The following DAPK1 variants were observed in gnomAD, a reference collection of about 807,000 sequenced individuals.
DAPK1 encodes the protein death-associated protein kinase 1.
In DAPK1, 56 loss-of-function variants were observed where a neutral mutation model predicts 144.9. The ratio of observed to expected loss-of-function variants is 0.39; its 90% CI spans 0.31 to 0.48. The LOEUF is 0.48. Among genes scored for constraint, DAPK1 ranks in the 20% least tolerant of loss-of-function variants. The pLI, the probability that DAPK1 is intolerant of heterozygous loss-of-function variation, is 0.95. For missense variants in DAPK1, 1,454 were observed against 1,875.4 expected, an observed-to-expected ratio of 0.78 and a Z score of 4.15; for synonymous variants, 690 against 749.0, an observed-to-expected ratio of 0.92 and a Z score of 1.29.
chr9:87,671,901 A>T (rs1444970461), intron 19 of DAPK1, among the ~76,000 whole-genome samples: 2 of 152,302 alleles, frequency 1.3e-5, no homozygotes, highest in East Asian at 3.9e-4. Flanking sequence ...ATCTTTATGT[A>T]GAAGCAAAGT....
intron 9 of DAPK1, among the ~76,000 whole-genome samples, chr9:87,641,562 G>T (rs1177155433): frequency 2.6e-5 from 4 of 152,122 alleles, no homozygotes; most frequent in Non-Finnish European, 5.9e-5. Context: ...TACTGAAAAA[G>T]ATACAATACA....
chr9:87,667,000 G>A (rs776152484), intron 18 of DAPK1, among the ~76,000 whole-genome samples: 16 of 152,148 alleles, frequency 1.1e-4, no homozygotes, highest in Non-Finnish European at 1.5e-5. Context: ...GAATTAACCT[G>A]GGAGCCCAGG....
intron 2 of DAPK1, among the ~76,000 whole-genome samples, chr9:87,534,057 CTT>C (rs1825070060): frequency 6.6e-6 from 1 of 151,932 alleles, no homozygotes; most frequent in Non-Finnish European, 1.5e-5. Flanking sequence ...TTTAAAAACA[CTT>C]TTCTTAGACT....
chr9:87,660,351 A>G (rs1830799166), intron 18 of DAPK1, among the ~76,000 whole-genome samples: 1 of 152,122 alleles, frequency 6.6e-6, no homozygotes, highest in East Asian at 1.9e-4. Flanking sequence ...AAACGTGACC[A>G]CACCACATCC....
chr9:87,554,387 T>C (rs1368851835), intron 2 of DAPK1: 1 of 151,532 alleles, frequency 6.6e-6, no homozygotes, highest in Non-Finnish European at 1.5e-5. Context: ...TTTAGCTGAA[T>C]AGCAATAATT....
rs2119164325 is a variant in DAPK1, at chr9:87,647,401, A to G, written c.1327A>G (p.Lys443Glu). The G allele has an allele frequency of 6.2e-7, 1 of 1,613,730 alleles. No individual in the cohort carries two copies. The highest frequency in any genetic ancestry group is 1.3e-5 in the African/African-American group (1 of 75,020). The change falls in exon 14 of 26, where the codon AAG becomes GAG. Residue 443 changes from lysine (K) to glutamate (E), a missense_variant and splice_region_variant. Transcript: ENST00000408954. ...CAAATGCCCTTTGGATGTGAAAGAC[A>G]AGGTAAGGCCACTTCTCTTAGGAGG... Reference protein sequence around the residue: ...ENKCPLDVKDKSGEMALHVAA... With the variant: ...ENKCPLDVKDESGEMALHVAA...
intron 3 of DAPK1, among the ~76,000 whole-genome samples, chr9:87,627,397 G>C (rs1829528549): frequency 6.6e-6 from 1 of 152,200 alleles, no homozygotes; most frequent in African/African-American, 2.4e-5. Flanking sequence ...AGTCACAGTA[G>C]GTAGGCGGTG....
In DAPK1 at chr9:87,548,913, C is replaced by CTTTTTTTT. The variant is rs11291160; in HGVS notation, c.62+49794_62+49801dup. Reference sequence around the variant, plus strand: ...ACCACCCACTGAGTGGATTTCATTCCTTTTTTTTTTTTTTTTTTTTTTTTT... The same window carrying CTTTTTTTT: ...ACCACCCACTGAGTGGATTTCATTCCTTTTTTTTTTTTTTTTTTTTTTTTTTTTTTTTT... On this transcript the variant is annotated intron_variant, in intron 2 of 25. Transcript: ENST00000408954. Among the ~76,000 whole-genome samples, 33 of 63,864 alleles carry CTTTTTTTT rather than the reference C, an allele frequency of 5.2e-4. 1 individual carries two copies. The highest frequency in any genetic ancestry group is 8.6e-4 in the East Asian group (1 of 1,164). 41.9% of individuals were successfully genotyped at this position (63,864 alleles called of 152,430 possible). A position where few individuals can be genotyped will look rare whatever the true frequency, so the allele number is the denominator to read the frequency against.
intron 2 of DAPK1, among the ~76,000 whole-genome samples, chr9:87,560,840 A>G (rs1826887686): frequency 6.6e-6 from 1 of 151,758 alleles, no homozygotes; most frequent in South Asian, 2.1e-4. Context: ...TAACTTTTGT[A>G]TTTTTAGTAG....
chr9:87,629,192 C>T (rs1829580916), intron 3 of DAPK1, among the ~76,000 whole-genome samples: 1 of 152,154 alleles, frequency 6.6e-6, no homozygotes, highest in Admixed American at 6.5e-5. Flanking sequence ...CTGGTGTTCT[C>T]ATAAAGGGGG....
intron 19 of DAPK1, among the ~76,000 whole-genome samples, chr9:87,671,619 G>A (rs877861): frequency 0.44 from 67,146 of 151,592 alleles, 15,981 homozygotes; most frequent in South Asian, 0.58. Context: ...TCTTGCCTCA[G>A]CCTCCCAAGT....
intron 3 of DAPK1, among the ~76,000 whole-genome samples, chr9:87,607,999 C>A (rs569342832): frequency 3.3e-5 from 5 of 152,238 alleles, no homozygotes; most frequent in Admixed American, 3.3e-4. Flanking sequence ...CAAGAGCCAT[C>A]CTCACATGAC....
intron 2 of DAPK1, among the ~76,000 whole-genome samples, chr9:87,556,125 G>A (rs1330854089): frequency 6.6e-6 from 1 of 152,206 alleles, no homozygotes; most frequent in African/African-American, 2.4e-5. Context: ...ACTCATCAGT[G>A]ATGCAGGACC....
chr9:87,577,836 C>G (rs1242893389), intron 2 of DAPK1, among the ~76,000 whole-genome samples: 1 of 152,084 alleles, frequency 6.6e-6, no homozygotes, highest in Non-Finnish European at 1.5e-5. Context: ...ACCAGTGATT[C>G]CTGTGTGTAA....
At position 87,575,119 on chromosome 9, in the gene DAPK1, C is replaced by G. The variant is rs1020071721; in HGVS notation, c.63-29835C>G. Among the ~76,000 whole-genome samples, 6 of 151,916 alleles carry G rather than the reference C, an allele frequency of 3.9e-5. No homozygotes were observed. In the East Asian group the frequency reaches 1.2e-3, roughly 29 times the overall value. On this transcript the variant is annotated intron_variant, in intron 2 of 25. Transcript: ENST00000408954. ...TCTGTAGTCCTAGCTACTCGGGAGGCTGAGGCAGGAGAATCACTTGACCCT... is the reference window on the plus strand; with the variant it reads ...TCTGTAGTCCTAGCTACTCGGGAGGGTGAGGCAGGAGAATCACTTGACCCT...
At chr9:87,631,196 T>G (rs887497780) in intron 3 of DAPK1, among the ~76,000 whole-genome samples, 2 of 152,186 alleles carry the variant, frequency 1.3e-5, no homozygotes, top group Non-Finnish European at 2.9e-5. Context: ...GTAATTAGTA[T>G]GTAGACAGGG....
rs566206675 is a variant in DAPK1, at chr9:87,629,558, G to T, written c.285-8385G>T. Among the ~76,000 whole-genome samples, 228 of 152,230 alleles carry T rather than the reference G, an allele frequency of 1.5e-3. 1 individual carries two copies. Among genetic ancestry groups the T allele is most frequent in the African/African-American group, 5.2e-3 (216 of 41,530 alleles). On this transcript the variant is annotated intron_variant, in intron 3 of 25. Transcript: ENST00000408954. Reference sequence around the variant, plus strand: ...TTGAATATGTTTTTAAAAATTTTATGTAGAGATGGGGGTCTCACTGTGTTG... The same window carrying T: ...TTGAATATGTTTTTAAAAATTTTATTTAGAGATGGGGGTCTCACTGTGTTG...
chr9:87,504,177 A>G (rs1049117025), intron 2 of DAPK1, among the ~76,000 whole-genome samples: 1 of 152,196 alleles, frequency 6.6e-6, no homozygotes, highest in African/African-American at 2.4e-5. Flanking sequence ...TTTTCCTCTT[A>G]GCATTTTTGA....
chr9:87,522,440 C>T (rs981884792), intron 2 of DAPK1, among the ~76,000 whole-genome samples: 3 of 152,080 alleles, frequency 2.0e-5, no homozygotes, highest in African/African-American at 7.2e-5. Context: ...CTGCCTTTGG[C>T]TTTTTTGTTT....
Sources: gnomAD v4.1 joint callset for allele counts (sites outside exome capture counted in the v4.1 genomes callset) on GRCh38, gnomAD v4.1.1 for gene constraint, MANE v1.5 for transcripts, NCBI Gene and HGNC (gene_info 2026-07-23, HGNC 2026-07-21) for gene names.